Variants in CNTLN observed in about 807,000 individuals in gnomAD.
CNTLN encodes the protein centlein, centrosomal protein.
Under a neutral mutation model 180.0 loss-of-function variants are expected in CNTLN, and 212 were observed. That is an observed-to-expected ratio of 1.18 (90% CI 1.05 to 1.32). The LOEUF (loss-of-function observed/expected upper bound fraction) is 1.32, where lower values mean the gene tolerates loss of function less well. Ranked by LOEUF, CNTLN falls within the 40% of genes most tolerant of loss-of-function variation. CNTLN has a pLI of 0.00. For missense variants in CNTLN, 2,095 were observed against 1,610.9 expected, an observed-to-expected ratio of 1.30 and a Z score of -5.14; for synonymous variants, 722 against 563.1, an observed-to-expected ratio of 1.28 and a Z score of -3.99.
chr9:17,198,686 C>CA (rs1228143132), intron 2 of CNTLN, among the ~76,000 whole-genome samples: 7 of 151,630 alleles, frequency 4.6e-5, no homozygotes, highest in African/African-American at 1.5e-4. Context: ...CCTTGCCCCC[C>CA]ACTCCCCAAC....
chr9:17,137,643 A>G (rs1817811926), intron 1 of CNTLN, among the ~76,000 whole-genome samples: 1 of 152,194 alleles, frequency 6.6e-6, no homozygotes, highest in Non-Finnish European at 1.5e-5. Context: ...GAACCCAACA[A>G]GGCTTGAAAC....
the CNTLN span, among the ~76,000 whole-genome samples, chr9:17,519,174 C>T: frequency 5.9e-5 from 9 of 151,540 alleles, no homozygotes; most frequent in African/African-American, 2.2e-4. Context: ...GCATTCTGCC[C>T]ACCTCAGCCT....
At chr9:17,409,518 T>G (rs554735956) in intron 16 of CNTLN, 45 bp downstream of exon 16, 1 of 1,375,134 alleles carries the variant, frequency 7.3e-7, no homozygotes, top group South Asian at 1.4e-5. Flanking sequence ...GTTTTAAATT[T>G]TATCTTATGC....
chr9:17,284,927 G>C (rs1168209194), intron 6 of CNTLN, among the ~76,000 whole-genome samples: 1 of 151,736 alleles, frequency 6.6e-6, no homozygotes, highest in Non-Finnish European at 1.5e-5. Context: ...CACTGCTTTA[G>C]CTGGATCCCA....
In CNTLN at chr9:17,230,110, T is replaced by A. The variant is rs1824717839; in HGVS notation, c.534+3823T>A. 2.6e-5 allele frequency among the ~76,000 whole-genome samples: 4 copies of A among 152,174 alleles called. No individual in the cohort carries two copies. In the South Asian group the frequency reaches 8.3e-4, roughly 31 times the overall value. On this transcript the variant is annotated intron_variant, in intron 3 of 25. Coordinates refer to ENST00000380647, the MANE Select transcript of CNTLN (RefSeq NM_017738.4). ...ACTGTGTACAGCCAGACAATGGAAG[T>A]GACACACAGAAATAGCCAGATTGGT...
intron 7 of CNTLN, among the ~76,000 whole-genome samples, chr9:17,304,847 G>T (rs1001520639): frequency 1.3e-5 from 2 of 152,024 alleles, no homozygotes; most frequent in South Asian, 4.1e-4. Context: ...TATACAGGAG[G>T]ATGTACATAG....
rs116810407 is a variant in CNTLN at position 17,355,639 on chromosome 9, A to G, written c.1887-10978A>G. ...GGTGTGAAGTAGGGGGTCCAGTTTC[A>G]TTTTTTACAGGTTGATACTCAGTTA... On this transcript the variant is annotated intron_variant, in intron 12 of 25. Coordinates refer to ENST00000380647, the MANE Select transcript of CNTLN (RefSeq NM_017738.4). 8.6e-3 allele frequency among the ~76,000 whole-genome samples: 1,314 copies of G among 152,230 alleles called. 19 individuals are homozygous for G. The highest frequency in any genetic ancestry group is 0.03 in the African/African-American group (1,258 of 41,528).
chr9:17,475,872 C>CAAAAAA (rs67818691), intron 23 of CNTLN, among the ~76,000 whole-genome samples: 1 of 117,262 alleles, frequency 8.5e-6, no homozygotes. Context: ...GACTCTCTCT[C>CAAAAAA]AAAAAAAAAA....
intron 12 of CNTLN, among the ~76,000 whole-genome samples, chr9:17,362,135 A>G (rs530484777): frequency 2.4e-4 from 37 of 152,354 alleles, no homozygotes; most frequent in Non-Finnish European, 5.0e-4. Flanking sequence ...CTGTAAGTAT[A>G]AAGTATGTTT....
Position 17,340,847 on chromosome 9 carries a change from A to C in CNTLN, c.1665A>C (p.Leu555=), listed in dbSNP as rs1821422889. The C allele has an allele frequency of 6.2e-7, 1 of 1,611,420 alleles. No homozygotes were observed. The highest frequency in any genetic ancestry group is 1.3e-5 in the African/African-American group (1 of 74,904). Residue 555 remains leucine, a synonymous_variant, in exon 11 of 26, where the codon CTA becomes CTC. Coordinates refer to ENST00000380647, the MANE Select transcript of CNTLN (RefSeq NM_017738.4). ...TACAGAGCCAAGAAAATGATGAGCT[A>C]AGAGATGCCCATGAAAAACGCAAGG... is the stretch of plus-strand genomic sequence containing the variant. The part of the protein sequence containing the change: ...LQLKSQENDE[L]RDAHEKRKER...
chr9:17,362,037 A>C (rs1257176184), intron 12 of CNTLN, among the ~76,000 whole-genome samples: 2 of 152,234 alleles, frequency 1.3e-5, no homozygotes, highest in Non-Finnish European at 2.9e-5. Context: ...GTTGGTGCTT[A>C]GTTTGACTCA....
intron 11 of CNTLN, among the ~76,000 whole-genome samples, chr9:17,341,373 A>G (rs1278114031): frequency 6.6e-6 from 1 of 152,234 alleles, no homozygotes; most frequent in Non-Finnish European, 1.5e-5. Context: ...TCACATATAT[A>G]GTTAACTATC....
At chr9:17,143,199 A>G in intron 1 of CNTLN, 89 bp from the exon 2 acceptor site, 1 of 862,834 alleles carries the variant, frequency 1.2e-6, no homozygotes, top group Non-Finnish European at 1.9e-6. Context: ...GGATCAAGTA[A>G]TTGTTTTTTC....
chr9:17,393,081 G>C (rs1185001418), intron 14 of CNTLN, among the ~76,000 whole-genome samples: 2 of 152,138 alleles, frequency 1.3e-5, no homozygotes, highest in Admixed American at 1.3e-4. Context: ...CTGAGATTCA[G>C]TGTCTTGTGA....
intron 15 of CNTLN, among the ~76,000 whole-genome samples, chr9:17,399,836 G>A (rs1439546822): frequency 6.6e-6 from 1 of 152,092 alleles, no homozygotes; most frequent in Non-Finnish European, 1.5e-5. Flanking sequence ...AAAGACAGAG[G>A]AACACCAAGA....
intron 23 of CNTLN, among the ~76,000 whole-genome samples, chr9:17,469,744 C>T (rs1283775019): frequency 1.3e-5 from 2 of 151,538 alleles, no homozygotes; most frequent in African/African-American, 4.9e-5. Context: ...GCCTTCCCCT[C>T]TTTGTTCTCT....
At chr9:17,289,073 C>G (rs1212296875) in intron 6 of CNTLN, among the ~76,000 whole-genome samples, 1 of 124,952 alleles carries the variant, frequency 8.0e-6, no homozygotes, top group Admixed American at 7.9e-5. Flanking sequence ...GGTTATTTTG[C>G]TCGTTAGTTG....
At chr9:17,174,458 G>T (rs1820594643) in intron 2 of CNTLN, among the ~76,000 whole-genome samples, 1 of 152,162 alleles carries the variant, frequency 6.6e-6, no homozygotes, top group Admixed American at 6.5e-5. Context: ...CACTTTGGGA[G>T]GCCGAGGTGG....
chr9:17,135,717 C>A (rs574432918), intron 1 of CNTLN, among the ~76,000 whole-genome samples: 15 of 152,350 alleles, frequency 9.8e-5, no homozygotes, highest in East Asian at 3.9e-4. Flanking sequence ...CGCTTCCCCC[C>A]CAAGCCCAAG....
Sources: gnomAD v4.1 joint callset for allele counts (sites outside exome capture counted in the v4.1 genomes callset) on GRCh38, gnomAD v4.1.1 for gene constraint, MANE v1.5 for transcripts, NCBI Gene and HGNC (gene_info 2026-07-23, HGNC 2026-07-21) for gene names.